RP1: variants seen among roughly 807,000 people sequenced by gnomAD.
RP1 encodes RP1 axonemal microtubule associated.
RP1 carries 16 observed loss-of-function variants against 14.8 expected under a neutral mutation model. The ratio of observed to expected loss-of-function variants is 1.08; its 90% CI spans 0.73 to 1.65. The LOEUF (loss-of-function observed/expected upper bound fraction) is 1.65, where lower values mean the gene tolerates loss of function less well. RP1 is among the 40% of genes most tolerant of loss of function. The pLI, the probability that RP1 is intolerant of heterozygous loss-of-function variation, is 0.00. For synonymous variants in RP1, 876 were observed against 883.6 expected (o/e 0.99, Z 0.15); for missense variants, 2,631 against 2,535.0 (o/e 1.04, Z -0.81).
intron 3 of RP1, among the ~76,000 whole-genome samples, chr8:54,624,350 C>G (rs753807721): frequency 1.9e-4 from 27 of 142,626 alleles, no homozygotes; most frequent in Non-Finnish European, 3.3e-4. Context: ...GATGCTGAAG[C>G]AGGAGAATTG....
At chr8:54,655,454 T>TAATAGGTAACCATAA (rs1806735665) in intron 5 of RP1, among the ~76,000 whole-genome samples, 1 of 152,136 alleles carries the variant, frequency 6.6e-6, no homozygotes, top group East Asian at 1.9e-4. Context: ...GGATCAGGTA[T>TAATAGGTAACCATAA]AAATAATCAG....
At position 54,816,384 on chromosome 8, in the gene RP1, C is replaced by G. The variant is rs182864838; in HGVS notation, c.3616-21066C>G. On this transcript the variant is annotated intron_variant, in intron 24 of 28. Coordinates refer to the RP1 transcript ENST00000637698. Reference sequence around the variant, plus strand: ...AAAGCAAAGACAAAGGAAGGAGTCCCCTGCTTTGATCAAATAGATATAAGA... The same window carrying G: ...AAAGCAAAGACAAAGGAAGGAGTCCGCTGCTTTGATCAAATAGATATAAGA... Among the ~76,000 whole-genome samples, 266 of 152,224 alleles carry G rather than the reference C, an allele frequency of 1.7e-3. 1 individual carries two copies. Among genetic ancestry groups the G allele is most frequent in the South Asian group, 2.5e-3 (12 of 4,822 alleles).
At chr8:54,598,106 A>G (rs1805190017) in intron 1 of RP1, among the ~76,000 whole-genome samples, 1 of 152,124 alleles carries the variant, frequency 6.6e-6, no homozygotes, top group South Asian at 2.1e-4. Flanking sequence ...AAATTAAATC[A>G]TATAGCATAT....
Position 54,622,175 on chromosome 8 carries a change from A to G in RP1, c.674A>G (p.Glu225Gly). 6.2e-7 allele frequency: 1 copy of G among 1,614,184 alleles called. No homozygotes were observed. The highest frequency in any genetic ancestry group is 8.5e-7 in the Non-Finnish European group (1 of 1,180,036). ...SSGAVVAAGR[E>G]PFKPGNYDIQ... ...GGAGCTGTGGTGGCGGCAGGAAGGGAGCCATTTAAACCAGGAAATTATGAC... is the reference window on the plus strand; with the variant it reads ...GGAGCTGTGGTGGCGGCAGGAAGGGGGCCATTTAAACCAGGAAATTATGAC... The change falls in exon 3 of 4, where the codon GAG (glutamate) becomes GGG (glycine). Residue 225 changes from glutamate to glycine, a missense_variant. Transcript: ENST00000220676.
chr8:54,575,066 T>C (rs1238787865), intron 1 of RP1, among the ~76,000 whole-genome samples: 2 of 152,222 alleles, frequency 1.3e-5, no homozygotes, highest in Admixed American at 6.5e-5. Context: ...TCAACACAAA[T>C]AATAACATTA....
At chr8:54,583,219 A>C (rs1386174219) in intron 1 of RP1, among the ~76,000 whole-genome samples, 5 of 152,140 alleles carry the variant, frequency 3.3e-5, no homozygotes, top group African/African-American at 1.2e-4. Flanking sequence ...AGGGTTGTTG[A>C]ATTTTGTTGA....
intron 12 of RP1, among the ~76,000 whole-genome samples, chr8:54,681,602 C>T (rs996889422): frequency 4.0e-5 from 6 of 150,296 alleles, no homozygotes; most frequent in African/African-American, 1.2e-4. Context: ...TAAACGTGTG[C>T]CATGGTGGTT....
intron 3 of RP1, among the ~76,000 whole-genome samples, chr8:54,622,596 G>A (rs1805911351): frequency 6.6e-6 from 1 of 152,188 alleles, no homozygotes; most frequent in Admixed American, 6.5e-5. Flanking sequence ...AGTGGAGTCT[G>A]TGTAAGTCTC....
At chr8:54,723,730 C>A (rs772609450) in intron 16 of RP1, among the ~76,000 whole-genome samples, 1 of 152,152 alleles carries the variant, frequency 6.6e-6, no homozygotes, top group Non-Finnish European at 1.5e-5. Context: ...TAGAGTAAGA[C>A]CACACTGCTA....
intron 22 of RP1, among the ~76,000 whole-genome samples, chr8:54,765,503 G>C (rs1224330801): frequency 6.6e-6 from 1 of 152,212 alleles, no homozygotes; most frequent in Non-Finnish European, 1.5e-5. Context: ...TTACACCTAG[G>C]CCAGCTCTGC....
chr8:54,631,579 G>A (rs998629868), downstream of RP1, among the ~76,000 whole-genome samples: 1 of 151,564 alleles, frequency 6.6e-6, no homozygotes, highest in Non-Finnish European at 1.5e-5. Context: ...GGAGCAAAAG[G>A]TAAAGGACTT....
At chr8:54,563,729 T>C (rs1804339106) in intron 1 of RP1, among the ~76,000 whole-genome samples, 1 of 152,024 alleles carries the variant, frequency 6.6e-6, no homozygotes, top group African/African-American at 2.4e-5. Flanking sequence ...TTTTATTTTT[T>C]GTAGAGATGA....
At chr8:54,790,863 T>A (rs562230052) in intron 24 of RP1, among the ~76,000 whole-genome samples, 2 of 152,052 alleles carry the variant, frequency 1.3e-5, no homozygotes, top group South Asian at 4.2e-4. Flanking sequence ...TGGGATACCA[T>A]CAAGTGAAAC....
intron 1 of RP1, among the ~76,000 whole-genome samples, chr8:54,617,203 A>G (rs939655510): frequency 6.6e-6 from 1 of 152,198 alleles, no homozygotes; most frequent in Non-Finnish European, 1.5e-5. Flanking sequence ...TCAAGATTCT[A>G]CAGTTACCTC....
chr8:54,783,828 C>G, intron 24 of RP1: 1 of 628,852 alleles, frequency 1.6e-6, no homozygotes, highest in Non-Finnish European at 2.3e-6. Flanking sequence ...ATTAAATTTG[C>G]TTGGTGTATG....
Position 54,785,299 on chromosome 8 carries a change from C to T in RP1, c.3615+1589C>T, listed in dbSNP as rs6981678. Among the ~76,000 whole-genome samples, 1,033 of 152,052 alleles carry T rather than the reference C, an allele frequency of 6.8e-3. 13 individuals are homozygous for T. The highest frequency in any genetic ancestry group is 0.024 in the African/African-American group (979 of 41,418). On this transcript the variant is annotated intron_variant, in intron 24 of 28. Coordinates refer to the RP1 transcript ENST00000637698. ...TTTTTGTCTGACTTGTTTTACGTAG[C>T]ATAAAGAATGCTTTAAAACTTAATC...
intron 1 of RP1, among the ~76,000 whole-genome samples, chr8:54,617,856 C>T (rs1194655623): frequency 1.3e-5 from 2 of 152,200 alleles, no homozygotes; most frequent in Admixed American, 1.3e-4. Context: ...TTGGTTTGCA[C>T]CCTCTTTCCA....
chr8:54,815,055 C>A lies in RP1; in HGVS notation c.3616-22395C>A, dbSNP rs531728030. 2.0e-5 allele frequency among the ~76,000 whole-genome samples: 3 copies of A among 152,310 alleles called. No individual in the cohort carries two copies. In the South Asian group the frequency reaches 6.2e-4, roughly 32 times the overall value. On this transcript the variant is annotated intron_variant, in intron 24 of 28. Transcript: ENST00000637698. ...TTTTGTCCCTTGTGATTGAGCTATT[C>A]TTTTATAAGTCAAGTGGTTTAAGAA...
At chr8:54,677,974 CAGGTGAGTCT>C (rs1807333765) in intron 8 of RP1, among the ~76,000 whole-genome samples, 1 of 151,978 alleles carries the variant, frequency 6.6e-6, no homozygotes, top group African/African-American at 2.4e-5. Context: ...TCATGTGTAC[CAGGTGAGTCT>C]ATGTGCTTGG....
Sources: allele counts gnomAD v4.1 joint callset (sites outside exome capture counted in the v4.1 genomes callset), GRCh38; gene constraint gnomAD v4.1.1; transcripts MANE v1.5; gene names NCBI Gene and HGNC (gene_info 2026-07-23, HGNC 2026-07-21).